The following PRDM11 variants were observed in gnomAD, a reference collection of about 807,000 sequenced individuals.
PRDM11 encodes PR/SET domain 11, also known as PR domain-containing protein 11.
A neutral mutation model predicts 97.8 loss-of-function variants in PRDM11; 20 were observed. The ratio of observed to expected loss-of-function variants is 0.20; its 90% CI spans 0.14 to 0.30. The LOEUF is 0.30. Ranked by LOEUF, PRDM11 falls within the 10% of genes least tolerant of loss-of-function variation. The pLI, the probability that PRDM11 is intolerant of heterozygous loss-of-function variation, is 1.00. For missense variants in PRDM11, 1,139 were observed against 1,555.2 expected (o/e 0.73, Z 4.50); for synonymous variants, 599 against 637.7 (o/e 0.94, Z 0.91).
At chr11:45,139,334 C>T (rs562133992) in intron 1 of PRDM11, among the ~76,000 whole-genome samples, 17 of 152,070 alleles carry the variant, frequency 1.1e-4, no homozygotes, top group Middle Eastern at 3.4e-3. Flanking sequence ...TTTGGGAGGC[C>T]GAGGCAGATG....
chr11:45,177,574 C>G (rs1334043086), intron 1 of PRDM11, among the ~76,000 whole-genome samples: 1 of 152,140 alleles, frequency 6.6e-6, no homozygotes, highest in African/African-American at 2.4e-5. Context: ...GCCTTTATCA[C>G]AAGCACAAAA....
chr11:45,137,917 C>T (rs751946939), intron 1 of PRDM11, among the ~76,000 whole-genome samples: 65 of 152,244 alleles, frequency 4.3e-4, no homozygotes, highest in Admixed American at 2.8e-3. Context: ...CCTCTCTCTG[C>T]GTGCACACAT....
Position 45,225,981 on chromosome 11 carries a change from C to T in PRDM11, c.1370-14C>T. On this transcript the variant is annotated splice_polypyrimidine_tract_variant and intron_variant, in intron 7 of 7. Transcript: ENST00000683152. ...CCCCCAGGTATAAATGTTTCTTTCC[C>T]ATTTGTTTTTCAGCCTCAGAAAGCA... is the stretch of plus-strand genomic sequence containing the variant. 2 of 1,470,856 alleles carry T rather than the reference C, an allele frequency of 1.4e-6. No homozygotes were observed. The highest frequency in any genetic ancestry group is 1.8e-6 in the Non-Finnish European group (2 of 1,113,778). 91.1% of individuals were successfully genotyped at this position (1,470,856 alleles called of 1,614,324 possible).
At chr11:45,224,196 C>T (rs1359925234) in intron 6 of PRDM11, 21 bp from the exon 7 acceptor site, 1 of 1,545,148 alleles carries the variant, frequency 6.5e-7, no homozygotes, top group African/African-American at 1.4e-5. Flanking sequence ...CATTTCCTTA[C>T]ACCCTGGTTT....
At chr11:45,107,712 G>C (rs144121578) in intron 1 of PRDM11, among the ~76,000 whole-genome samples, 3 of 152,252 alleles carry the variant, frequency 2.0e-5, no homozygotes, top group African/African-American at 7.2e-5. Context: ...CCAATCCTCT[G>C]TAGTGTTAAA....
At position 45,227,688 on chromosome 11, in the gene PRDM11, C is replaced by G; in HGVS notation, c.3063C>G (p.Thr1021=). Residue 1021 remains threonine, a synonymous_variant, in exon 8 of 8, where the codon ACC becomes ACG. Transcript: ENST00000683152. This position sits in a 1 kb window ranked among gnomAD's most constrained non-coding sequence, Gnocchi z 8.0. ...QIFDHLEAIP[T]FSRDVCREGL... Reference sequence around the variant, plus strand: ...TTGATCACCTGGAGGCCATCCCGACCTTTTCCCGGGATGTCTGTAGGGAAG... The same window carrying G: ...TTGATCACCTGGAGGCCATCCCGACGTTTTCCCGGGATGTCTGTAGGGAAG... The G allele has an allele frequency of 6.5e-7, 1 of 1,533,960 alleles. No homozygotes were observed.
chr11:45,158,378 C>T (rs1001252735), intron 1 of PRDM11, among the ~76,000 whole-genome samples: 1 of 152,230 alleles, frequency 6.6e-6, no homozygotes, highest in African/African-American at 2.4e-5. Flanking sequence ...GCCTCCCTCC[C>T]TGCAGCTCCC....
intron 6 of PRDM11, among the ~76,000 whole-genome samples, chr11:45,221,584 A>T (rs1854121991): frequency 6.6e-6 from 1 of 152,140 alleles, no homozygotes; most frequent in South Asian, 2.1e-4. Context: ...AAGCTGCATC[A>T]TCCTCCATGA....
intron 1 of PRDM11, among the ~76,000 whole-genome samples, chr11:45,115,141 A>G (rs1383881531): frequency 8.0e-5 from 12 of 149,528 alleles, no homozygotes; most frequent in Non-Finnish European, 1.0e-4. Context: ...TGTATATAGC[A>G]TGTGTGTGTG....
intron 1 of PRDM11, among the ~76,000 whole-genome samples, chr11:45,103,198 C>T (rs1565221198): frequency 1.3e-5 from 2 of 152,194 alleles, no homozygotes; most frequent in Admixed American, 6.5e-5. Flanking sequence ...TGCATCCCTC[C>T]CCAAAGCCCA....
intron 5 of PRDM11, among the ~76,000 whole-genome samples, chr11:45,211,548 G>A (rs577740647): frequency 1.2e-4 from 7 of 59,842 alleles, no homozygotes; most frequent in Non-Finnish European, 3.2e-4. Context: ...ATGGGAGCAC[G>A]ATGTGACTGA....
intron 3 of PRDM11, 137 bp downstream of exon 3, chr11:45,182,486 G>T: frequency 1.3e-6 from 1 of 793,860 alleles, no homozygotes. Context: ...GCCTTGGTTC[G>T]TCATCATCAT....
chr11:45,095,611 C>T (rs1467572965), upstream of PRDM11, among the ~76,000 whole-genome samples: 2 of 152,230 alleles, frequency 1.3e-5, no homozygotes, highest in African/African-American at 4.8e-5. Context: ...TCCCAGACTC[C>T]TCTGCAATTA....
At chr11:45,192,789 CT>C (rs2135763833) in intron 4 of PRDM11, among the ~76,000 whole-genome samples, 1 of 152,292 alleles carries the variant, frequency 6.6e-6, no homozygotes, top group African/African-American at 2.4e-5. Context: ...CACAAAGTGT[CT>C]TGTACTTATA....
At chr11:45,183,643 C>T (rs1218289928) in intron 4 of PRDM11, among the ~76,000 whole-genome samples, 2 of 152,240 alleles carry the variant, frequency 1.3e-5, no homozygotes, top group Admixed American at 6.5e-5. Flanking sequence ...TCAGTTGCAA[C>T]ACAGGGTACT....
chr11:45,159,039 G>A (rs1342679943), intron 1 of PRDM11, among the ~76,000 whole-genome samples: 1 of 152,034 alleles, frequency 6.6e-6, no homozygotes, highest in Non-Finnish European at 1.5e-5. Flanking sequence ...CTCAGCTACC[G>A]GTGAGGAAAG....
In PRDM11 at chr11:45,226,908, G is replaced by C. The variant is rs1401871900; in HGVS notation, c.2283G>C (p.Met761Ile). The change falls in exon 8 of 8, where the codon ATG becomes ATC. Residue 761 changes from methionine (M) to isoleucine (I), a missense_variant. Coordinates refer to ENST00000683152, the MANE Select transcript of PRDM11 (RefSeq NM_001384648.1). The part of the protein sequence containing the change: ...TLPWLLCLPF[M>I]VHRPHLEILD... Reference sequence around the variant, plus strand: ...CCTGGCTGCTGTGCCTGCCCTTCATGGTGCACCGGCCCCACCTGGAGATCC... The same window carrying C: ...CCTGGCTGCTGTGCCTGCCCTTCATCGTGCACCGGCCCCACCTGGAGATCC... 1.3e-6 allele frequency: 2 copies of C among 1,533,926 alleles called. No individual in the cohort carries two copies. The highest frequency in any genetic ancestry group is 1.2e-5 in the South Asian group (1 of 83,968).
intron 1 of PRDM11, among the ~76,000 whole-genome samples, chr11:45,131,673 A>G (rs1475632261): frequency 6.6e-6 from 1 of 152,244 alleles, no homozygotes; most frequent in African/African-American, 2.4e-5. Context: ...GGAGTAAGTT[A>G]TTGACTTTTG....
At chr11:45,118,931 T>C (rs187996368) in intron 1 of PRDM11, among the ~76,000 whole-genome samples, 1 of 152,320 alleles carries the variant, frequency 6.6e-6, no homozygotes, top group Non-Finnish European at 1.5e-5. Flanking sequence ...GGGGTTGAAA[T>C]AGTCCGTTTT....
Sources: gnomAD v4.1 joint callset for allele counts (sites outside exome capture counted in the v4.1 genomes callset) on GRCh38, gnomAD v4.1.1 for gene constraint, Gnocchi (gnomAD v3.1) non-coding constraint, MANE v1.5 for transcripts, NCBI Gene and HGNC (gene_info 2026-07-23, HGNC 2026-07-21) for gene names.